Variants in CABIN1 observed in about 807,000 individuals in gnomAD.
The protein encoded by CABIN1 is calcineurin-binding protein cabin-1.
CABIN1 carries 133 observed loss-of-function variants against 227.7 expected under a neutral mutation model. The ratio of observed to expected loss-of-function variants is 0.58; its 90% CI spans 0.51 to 0.67. The LOEUF (loss-of-function observed/expected upper bound fraction) is 0.67. CABIN1 is among the 30% of genes least tolerant of loss of function. CABIN1 has a pLI of 0.00. For synonymous variants in CABIN1, 1,086 were observed against 1,155.1 expected, an observed-to-expected ratio of 0.94 and a Z score of 1.21; for missense variants, 2,408 against 2,852.5, an observed-to-expected ratio of 0.84 and a Z score of 3.55.
intron 21 of CABIN1, 48 bp downstream of exon 21, chr22:24,084,833 C>G (rs1181621576): frequency 6.3e-7 from 1 of 1,591,060 alleles, no homozygotes; most frequent in Non-Finnish European, 8.6e-7. Context: ...GGGTCACACT[C>G]TTCCGCTCTG....
At chr22:24,071,497 T>G (rs959553948) in intron 17 of CABIN1, among the ~76,000 whole-genome samples, 1 of 151,906 alleles carries the variant, frequency 6.6e-6, no homozygotes, top group Non-Finnish European at 1.5e-5. Context: ...CACTCTGGGC[T>G]CTCTCCTCAA....
chr22:24,093,302 G>A (rs1205957054), intron 24 of CABIN1, among the ~76,000 whole-genome samples: 1 of 151,300 alleles, frequency 6.6e-6, no homozygotes, highest in Admixed American at 6.6e-5. Flanking sequence ...TGTAATCCCA[G>A]CACTTTGGGA....
intron 24 of CABIN1, among the ~76,000 whole-genome samples, chr22:24,092,687 A>AGTGTGTGTGTGTGTGT (rs3221282): frequency 1.9e-4 from 27 of 138,814 alleles, no homozygotes; most frequent in African/African-American, 6.6e-4. Flanking sequence ...TGATTATAAA[A>AGTGTGTGTGTGTGTGT]GTGTGTGTGT....
chr22:24,035,532 T>A lies in CABIN1; in HGVS notation c.3+12T>A. On this transcript the variant is annotated intron_variant, in intron 2 of 36. Coordinates refer to ENST00000263119, the MANE Select transcript of CABIN1 (RefSeq NM_012295.4). Reference sequence around the variant, plus strand: ...TCTCTCTGAATATGGTAAGGACTGATGCCTGCCTATTTTGCGGACCTCAGT... The same window carrying A: ...TCTCTCTGAATATGGTAAGGACTGAAGCCTGCCTATTTTGCGGACCTCAGT... 6.2e-7 allele frequency: 1 copy of A among 1,614,188 alleles called. No individual in the cohort carries two copies.
chr22:24,108,323 C>T lies in CABIN1; in HGVS notation c.4118-5243C>T, dbSNP rs567265585. 1.2e-4 allele frequency among the ~76,000 whole-genome samples: 18 copies of T among 152,342 alleles called. No homozygotes were observed. The East Asian group carries it at 3.1e-3, about 26-fold the overall frequency. ...GTCCCCATTGCTAATCCTCCCTTTA[C>T]ACACAGCCAGCAAATGGGCTGCCCC... is the stretch of plus-strand genomic sequence containing the variant. On this transcript the variant is annotated intron_variant, in intron 26 of 36. Transcript: ENST00000263119.
chr22:24,175,189 G>C (rs1478696631), intron 34 of CABIN1, among the ~76,000 whole-genome samples: 42 of 152,236 alleles, frequency 2.8e-4, no homozygotes, highest in Admixed American at 2.7e-3. Flanking sequence ...GGGGCGAGGG[G>C]GTGGAGGCTT....
At chr22:24,048,987 G>T in intron 6 of CABIN1, 104 bp from the exon 7 acceptor site, 1 of 1,316,734 alleles carries the variant, frequency 7.6e-7, no homozygotes, top group Non-Finnish European at 1.1e-6. Flanking sequence ...TTTTTACCAG[G>T]CATTTCTTTG....
chr22:24,017,727 G>T (rs974366198), intron 1 of CABIN1, among the ~76,000 whole-genome samples: 1 of 151,402 alleles, frequency 6.6e-6, no homozygotes, highest in Non-Finnish European at 1.5e-5. Flanking sequence ...ATGTTTCATT[G>T]TATGTATATA....
chr22:24,104,693 C>T (rs988840189), intron 26 of CABIN1, among the ~76,000 whole-genome samples: 5 of 152,176 alleles, frequency 3.3e-5, no homozygotes, highest in African/African-American at 7.2e-5. Context: ...ATGGGCACCC[C>T]GATTTCCCGG....
intron 1 of CABIN1, among the ~76,000 whole-genome samples, chr22:24,014,181 A>G (rs1490918596): frequency 6.6e-6 from 1 of 152,172 alleles, no homozygotes; most frequent in African/African-American, 2.4e-5. Flanking sequence ...GCCTAAAGGT[A>G]ATTATTTCTC....
intron 4 of CABIN1, 108 bp from the exon 5 acceptor site, chr22:24,041,031 C>A: frequency 7.5e-7 from 1 of 1,335,522 alleles, no homozygotes; most frequent in South Asian, 1.2e-5. Context: ...CAACACTAGA[C>A]TGGCTCAAGG....
In CABIN1 at chr22:24,066,295, C is replaced by G. The variant is rs11090307; in HGVS notation, c.2038-692C>G. Among the ~76,000 whole-genome samples the G allele has an allele frequency of 8.3e-4, 126 of 152,296 alleles. 1 individual carries two copies. In the East Asian group the frequency reaches 0.022, roughly 26 times the overall value. ...CAGCACTATTTAGAAGCAGTCATTG[C>G]TCTGCTCTCCTGGCTATGTGTGGCA... is the stretch of plus-strand genomic sequence containing the variant. On this transcript the variant is annotated intron_variant, in intron 15 of 36. Coordinates refer to ENST00000263119, the MANE Select transcript of CABIN1 (RefSeq NM_012295.4).
At position 24,098,067 on chromosome 22, in the gene CABIN1, C is replaced by T. The variant is rs777819694; in HGVS notation, c.3992C>T (p.Pro1331Leu). Reference sequence around the variant, plus strand: ...TCCCACTCTTCAGCTGGGACACTGCCGGGCCCCGGAGCCTCCCTCCCCTCC... The same window carrying T: ...TCCCACTCTTCAGCTGGGACACTGCTGGGCCCCGGAGCCTCCCTCCCCTCC... ...EDSHSSAGTL[P>L]GPGASLPSSS... The change falls in exon 26 of 37, where the codon CCG becomes CTG. Residue 1331 changes from proline (P) to leucine (L), a missense_variant. Pro to Leu is a moderately conservative substitution (Grantham distance 98). Around this residue, in one of 3 missense-constraint regions of CABIN1, gnomAD observed 649 missense variants for 910.3 expected, o/e 0.71. Transcript: ENST00000263119. The T allele has an allele frequency of 1.3e-5, 21 of 1,614,160 alleles. No homozygotes were observed. In the Admixed American group the frequency reaches 1.3e-4, roughly 10 times the overall value.
intron 10 of CABIN1, among the ~76,000 whole-genome samples, chr22:24,056,702 C>T (rs981403893): frequency 9.2e-5 from 14 of 152,166 alleles, no homozygotes; most frequent in Non-Finnish European, 1.0e-4. Flanking sequence ...CCTGAAAACC[C>T]CATGGAAGGG....
intron 8 of CABIN1, among the ~76,000 whole-genome samples, chr22:24,053,529 C>T (rs537317261): frequency 5.9e-5 from 9 of 152,120 alleles, no homozygotes; most frequent in African/African-American, 2.2e-4. Flanking sequence ...AGACATGCGC[C>T]ACCACCCCTG....
rs572992435 is a variant in CABIN1, at chr22:24,014,086, A to G, written c.-75+2719A>G. Among the ~76,000 whole-genome samples the G allele has an allele frequency of 4.6e-5, 7 of 152,262 alleles. No homozygotes were observed. The South Asian group carries it at 1.5e-3, about 32-fold the overall frequency. Reference sequence around the variant, plus strand: ...TTCTAATTAATAAGTCTCTTGGGAGAGATACATTGAGAGGACACAAATTCT... The same window carrying G: ...TTCTAATTAATAAGTCTCTTGGGAGGGATACATTGAGAGGACACAAATTCT... On this transcript the variant is annotated intron_variant, in intron 1 of 36. Transcript: ENST00000263119.
intron 10 of CABIN1, 79 bp downstream of exon 10, chr22:24,056,439 A>G (rs2146297197): frequency 8.6e-6 from 12 of 1,389,796 alleles, no homozygotes; most frequent in Non-Finnish European, 1.2e-5. Flanking sequence ...TTCTCATTCC[A>G]TTGCCACCCT....
chr22:24,059,199 CTT>C (rs780849140), intron 10 of CABIN1, 26 bp from the exon 11 acceptor site: 17 of 1,613,824 alleles, frequency 1.1e-5, no homozygotes, highest in Non-Finnish European at 1.3e-5. Context: ...TGTGTTGTGA[CTT>C]TGTGATTTTG....
chr22:24,037,641 T>A (rs2037022160), intron 3 of CABIN1, among the ~76,000 whole-genome samples: 2 of 152,196 alleles, frequency 1.3e-5, no homozygotes, highest in Admixed American at 1.3e-4. Context: ...ACAACCCTTC[T>A]GATATCATAT....
Sources: allele counts gnomAD v4.1 joint callset (sites outside exome capture counted in the v4.1 genomes callset), GRCh38; gene constraint gnomAD v4.1.1; regional missense constraint gnomAD v4.1.1; transcripts MANE v1.5; gene names NCBI Gene and HGNC (gene_info 2026-07-23, HGNC 2026-07-21).